The following RBFOX3 variants were observed in gnomAD, a reference collection of about 807,000 sequenced individuals.
RBFOX3 encodes the protein RNA binding fox-1 homolog 3, also known as RNA binding protein fox-1 homolog 3.
In RBFOX3, 17 loss-of-function variants were observed where a neutral mutation model predicts 48.7. The ratio of observed to expected loss-of-function variants is 0.35; its 90% CI spans 0.24 to 0.52. The LOEUF (loss-of-function observed/expected upper bound fraction) is 0.52. RBFOX3 is among the 20% of genes least tolerant of loss of function. The pLI, the probability that RBFOX3 is intolerant of heterozygous loss-of-function variation, is 0.94. For missense variants in RBFOX3, 382 were observed against 497.5 expected (o/e 0.77, Z 2.21); for synonymous variants, 212 against 209.5 (o/e 1.01, Z -0.10).
At chr17:79,559,581 G>A (rs2092038247) in intron 1 of RBFOX3, among the ~76,000 whole-genome samples, 1 of 150,298 alleles carries the variant, frequency 6.7e-6, no homozygotes, top group Non-Finnish European at 1.5e-5. Context: ...GTGAGTGGGT[G>A]GGGGGGTGGA....
rs745889715 is a variant in RBFOX3, at chr17:79,090,824, ATT to A, written c.*57_*58del. The stretch of plus-strand genomic sequence containing the variant: ...CTTTTTTTGTTTTTTTTGTTTTGTG[ATT>A]TTTTTTGTTTTTTTGTTTTTGCCCT... On this transcript the variant is annotated 3_prime_UTR_variant, in exon 15 of 15. Coordinates refer to ENST00000693108, the MANE Select transcript of RBFOX3 (RefSeq NM_001350451.2). The A allele has an allele frequency of 7.0e-7, 1 of 1,437,278 alleles. No individual in the cohort carries two copies. The highest frequency in any genetic ancestry group is 9.2e-7 in the Non-Finnish European group (1 of 1,088,824). The allele number at this position is 1,437,278 out of a possible 1,614,324, so 89.0% of individuals were successfully genotyped here. A position where few individuals can be genotyped will look rare whatever the true frequency, so the allele number is the denominator to read the frequency against.
At position 79,209,114 on chromosome 17, in the gene RBFOX3, C is replaced by G. The variant is rs991118525; in HGVS notation, c.-34+26652G>C. ...GATTACAGGCGTGAGCCACCACGCC[C>G]GGCCCCTGGCTGCTCTTTCTGTACG... is the stretch of plus-strand genomic sequence containing the variant. On this transcript the variant is annotated intron_variant, in intron 4 of 14. Transcript: ENST00000693108. 4.6e-5 allele frequency among the ~76,000 whole-genome samples: 7 copies of G among 152,272 alleles called. No individual in the cohort carries two copies. The South Asian group carries it at 8.3e-4, about 18-fold the overall frequency.
chr17:79,591,143 T>C (rs1299765790), intron 1 of RBFOX3, among the ~76,000 whole-genome samples: 3 of 151,788 alleles, frequency 2.0e-5, no homozygotes, highest in Non-Finnish European at 4.4e-5. Context: ...GATGGGGGAA[T>C]AAAGGTTTCC....
In RBFOX3 at chr17:79,390,352, A is replaced by G. The variant is rs2061227812; in HGVS notation, c.-174-82528T>C. Among the ~76,000 whole-genome samples, 1 of 152,220 alleles carries G rather than the reference A, an allele frequency of 6.6e-6. No individual in the cohort carries two copies. Among genetic ancestry groups the G allele is most frequent in the African/African-American group, 2.4e-5 (1 of 41,438 alleles). The stretch of plus-strand genomic sequence containing the variant: ...TTTGGCTTTGCCACGCTGTGGTTTC[A>G]TCACGACCATCACGGCCAGGTGACG... On this transcript the variant is annotated intron_variant, in intron 2 of 14. Transcript: ENST00000693108. This position sits in a 1 kb window ranked among gnomAD's most constrained non-coding sequence, Gnocchi z 4.2.
intron 1 of RBFOX3, among the ~76,000 whole-genome samples, chr17:79,554,535 T>C (rs1456029650): frequency 1.3e-5 from 2 of 150,782 alleles, no homozygotes; most frequent in African/African-American, 4.9e-5. Context: ...TCGTGGGTGC[T>C]TCGCACCCCG....
At chr17:79,267,365 G>A (rs1330237275) in intron 3 of RBFOX3, among the ~76,000 whole-genome samples, 1 of 152,032 alleles carries the variant, frequency 6.6e-6, no homozygotes, top group Non-Finnish European at 1.5e-5. Context: ...CTGTGACCCC[G>A]AGCCAAGATG....
rs1473276686 is a variant in RBFOX3, at chr17:79,103,406, C to G, written c.415-152G>C. Among the ~76,000 whole-genome samples, 11 of 152,062 alleles carry G rather than the reference C, an allele frequency of 7.2e-5. No homozygotes were observed. The highest frequency in any genetic ancestry group is 2.4e-4 in the African/African-American group (10 of 41,398). On this transcript the variant is annotated intron_variant, in intron 7 of 14. Transcript: ENST00000693108. This position sits in a 1 kb window ranked among gnomAD's most constrained non-coding sequence, Gnocchi z 6.1. Reference sequence around the variant, plus strand: ...AGTCAGGTGAGTTGAGGCAGAGACGCAGGCAGCCCAGAGGTCTGTCCTAGG... The same window carrying G: ...AGTCAGGTGAGTTGAGGCAGAGACGGAGGCAGCCCAGAGGTCTGTCCTAGG...
intron 1 of RBFOX3, among the ~76,000 whole-genome samples, chr17:79,486,934 T>C (rs2079692835): frequency 6.6e-6 from 1 of 152,214 alleles, no homozygotes; most frequent in Non-Finnish European, 1.5e-5. Context: ...CCCCTGGTGC[T>C]CTGGCCCCAA....
intron 4 of RBFOX3, among the ~76,000 whole-genome samples, chr17:79,120,246 A>C (rs1174582985): frequency 6.6e-6 from 1 of 152,060 alleles, no homozygotes; most frequent in Non-Finnish European, 1.5e-5. Context: ...TCAGCACAGC[A>C]CCCTGTTCTA....
intron 4 of RBFOX3, among the ~76,000 whole-genome samples, chr17:79,124,602 C>A (rs978635628): frequency 6.6e-6 from 1 of 152,212 alleles, no homozygotes; most frequent in Non-Finnish European, 1.5e-5. Flanking sequence ...GAACCAGGGG[C>A]CATGACAGAG....
rs372230647 is a variant in RBFOX3 at position 79,175,737 on chromosome 17, T to C, written c.-33-59989A>G. ...TTGCCGGCTCTTGGGGTGGCGCCTC[T>C]GAGGGTGATTAAGAGGCTGTTCAGA... On this transcript the variant is annotated intron_variant, in intron 4 of 14. Coordinates refer to ENST00000693108, the MANE Select transcript of RBFOX3 (RefSeq NM_001350451.2). Among the ~76,000 whole-genome samples the C allele has an allele frequency of 6.6e-5, 10 of 152,346 alleles. No homozygotes were observed. In the South Asian group the frequency reaches 1.2e-3, roughly 19 times the overall value.
chr17:79,562,862 C>T (rs1223780733), intron 1 of RBFOX3, among the ~76,000 whole-genome samples: 1 of 152,214 alleles, frequency 6.6e-6, no homozygotes, highest in Non-Finnish European at 1.5e-5. Context: ...GGGGCTCGTA[C>T]CCACCCCAGG....
At chr17:79,369,662 G>A (rs2058261156) in intron 2 of RBFOX3, among the ~76,000 whole-genome samples, 1 of 152,076 alleles carries the variant, frequency 6.6e-6, no homozygotes, top group African/African-American at 2.4e-5. Flanking sequence ...GGCCTTGGGA[G>A]CCCACGTGTG....
chr17:79,181,555 T>C (rs577540463), intron 4 of RBFOX3, among the ~76,000 whole-genome samples: 3 of 151,864 alleles, frequency 2.0e-5, no homozygotes, highest in African/African-American at 7.3e-5. Context: ...TGTCCAGGAG[T>C]CCCCAGATGT....
At chr17:79,576,777 G>A (rs2092877927) in intron 1 of RBFOX3, among the ~76,000 whole-genome samples, 1 of 152,116 alleles carries the variant, frequency 6.6e-6, no homozygotes, top group Admixed American at 6.5e-5. Context: ...GGAGACCATG[G>A]AGAACATGGA....
At chr17:79,336,320 G>C (rs1271292089) in intron 2 of RBFOX3, among the ~76,000 whole-genome samples, 1 of 152,146 alleles carries the variant, frequency 6.6e-6, no homozygotes, top group African/African-American at 2.4e-5. Context: ...TCAGGAGGCA[G>C]AGGTTGCAGT....
intron 1 of RBFOX3, among the ~76,000 whole-genome samples, chr17:79,561,502 G>A (rs907843479): frequency 1.3e-4 from 20 of 152,242 alleles, no homozygotes; most frequent in South Asian, 4.2e-4. Context: ...AGAGACACAC[G>A]AACGAGGCTG....
At chr17:79,512,600 C>A in intron 1 of RBFOX3, among the ~76,000 whole-genome samples, 2 of 119,850 alleles carry the variant, frequency 1.7e-5, no homozygotes, top group South Asian at 2.6e-4. Flanking sequence ...GGGTACAGCC[C>A]CATGGCCAGG....
At chr17:79,313,088 C>T (rs1405390817) in intron 2 of RBFOX3, among the ~76,000 whole-genome samples, 2 of 152,220 alleles carry the variant, frequency 1.3e-5, no homozygotes, top group African/African-American at 4.8e-5. Flanking sequence ...CTCAGCGCGG[C>T]ACCTCTACAT....
Sources: gnomAD v4.1 joint callset for allele counts (sites outside exome capture counted in the v4.1 genomes callset) on GRCh38, gnomAD v4.1.1 for gene constraint, Gnocchi (gnomAD v3.1) non-coding constraint, MANE v1.5 for transcripts, NCBI Gene and HGNC (gene_info 2026-07-23, HGNC 2026-07-21) for gene names.